Variants in SPAG1 observed in about 807,000 individuals in gnomAD.
SPAG1 encodes the protein sperm associated antigen 1.
In SPAG1, 69 loss-of-function variants were observed where a neutral mutation model predicts 100.5. The observed-to-expected ratio is 0.69, with a 90% CI of 0.57 to 0.84. The LOEUF is 0.84. SPAG1 is among the 40% of genes least tolerant of loss of function. SPAG1 has a pLI of 0.00. For missense variants in SPAG1, 955 were observed against 1,133.1 expected, an observed-to-expected ratio of 0.84 and a Z score of 2.26; for synonymous variants, 336 against 411.6, an observed-to-expected ratio of 0.82 and a Z score of 2.22.
At position 100,236,940 on chromosome 8, in the gene SPAG1, G is replaced by A. The variant is rs547278838; in HGVS notation, c.2116-2300G>A. Among the ~76,000 whole-genome samples the A allele has an allele frequency of 1.6e-4, 24 of 152,218 alleles. 2 individuals carry two copies. In the South Asian group the frequency reaches 4.1e-3, roughly 26 times the overall value. The stretch of plus-strand genomic sequence containing the variant: ...TCATAAAATAACTATTGCTTTTATG[G>A]TTTCAGCAAAACTATTAATGGTAAA... On this transcript the variant is annotated intron_variant, in intron 16 of 18. Coordinates refer to ENST00000388798, the MANE Select transcript of SPAG1 (RefSeq NM_003114.5).
At chr8:100,206,641 G>T (rs977734484) in intron 10 of SPAG1, among the ~76,000 whole-genome samples, 3 of 152,134 alleles carry the variant, frequency 2.0e-5, no homozygotes, top group Non-Finnish European at 2.9e-5. Flanking sequence ...TTCCTTCTAA[G>T]GTGAAGCAAG....
chr8:100,229,872 A>G (rs1295736865), intron 14 of SPAG1, among the ~76,000 whole-genome samples: 1 of 152,192 alleles, frequency 6.6e-6, no homozygotes, highest in African/African-American at 2.4e-5. Context: ...GGCTGCAGGG[A>G]TGGCTGGATT....
At chr8:100,185,054 G>C in intron 7 of SPAG1, 1 of 237,090 alleles carries the variant, frequency 4.2e-6, no homozygotes, top group Non-Finnish European at 8.1e-6. Flanking sequence ...AGACTGCCTG[G>C]ATTTACTTCT....
intron 10 of SPAG1, among the ~76,000 whole-genome samples, chr8:100,211,115 C>T (rs753234270): frequency 9.9e-5 from 15 of 152,024 alleles, no homozygotes; most frequent in Non-Finnish European, 1.5e-4. Context: ...CATGAGCCAC[C>T]GTGCCCGGCC....
intron 4 of SPAG1, 122 bp from the exon 5 acceptor site, chr8:100,183,253 G>GT: frequency 3.9e-6 from 2 of 515,782 alleles, no homozygotes; most frequent in South Asian, 2.4e-5. Context: ...GATTACAGGC[G>GT]TGAGTCCCCG....
chr8:100,161,305 G>A (rs1815295374), intron 1 of SPAG1, among the ~76,000 whole-genome samples: 1 of 152,128 alleles, frequency 6.6e-6, no homozygotes, highest in African/African-American at 2.4e-5. Flanking sequence ...TTGCACCACT[G>A]CATTTCAGCC....
intron 3 of SPAG1, among the ~76,000 whole-genome samples, chr8:100,176,960 C>T (rs1345430431): frequency 7.0e-6 from 1 of 141,870 alleles, no homozygotes; most frequent in African/African-American, 2.6e-5. Context: ...TTTTTCGTTT[C>T]TTTCTTTTTT....
At position 100,231,158 on chromosome 8, in the gene SPAG1, GA is replaced by G; in HGVS notation, c.1864del (p.Thr622HisfsTer13). On this transcript the variant is annotated frameshift_variant, in exon 15 of 19. Coordinates refer to ENST00000388798, the MANE Select transcript of SPAG1 (RefSeq NM_003114.5). LOFTEE classifies it high-confidence loss of function. ...TTCTTTGTTTTTTTGTCCCATAGATGAAAAAACATTTAAAGCCCTTAAGGAA... is the reference window on the plus strand; with the variant it reads ...TTCTTTGTTTTTTTGTCCCATAGATGAAAAACATTTAAAGCCCTTAAGGAA... ...SSHRQQGITD[E>X]KTFKALKEEG... is the part of the protein sequence containing the mutation. The G allele has an allele frequency of 6.3e-7, 1 of 1,598,082 alleles. No individual in the cohort carries two copies. The highest frequency in any genetic ancestry group is 8.5e-7 in the Non-Finnish European group (1 of 1,173,078).
chr8:100,183,893 A>G (rs1330962561), intron 5 of SPAG1, 63 bp from the exon 6 acceptor site: 22 of 759,564 alleles, frequency 2.9e-5, no homozygotes, highest in African/African-American at 1.3e-4. Flanking sequence ...AAGAATATCA[A>G]TGATAAATTT....
intron 15 of SPAG1, among the ~76,000 whole-genome samples, chr8:100,231,987 G>T (rs1613453): frequency 0.67 from 101,710 of 151,226 alleles, 34,836 homozygotes; most frequent in African/African-American, 0.81. Flanking sequence ...TACTGTCTTA[G>T]GGAGAATGCC....
In SPAG1 at chr8:100,213,391, C is replaced by G. The variant is rs546666643; in HGVS notation, c.1398C>G (p.Gly466=). 2.0e-5 allele frequency: 29 copies of G among 1,450,168 alleles called. No homozygotes were observed. In the South Asian group the frequency reaches 2.8e-4, roughly 14 times the overall value. The allele number at this position is 1,450,168 out of a possible 1,614,324, so 89.8% of individuals were successfully genotyped here. A position where few individuals can be genotyped will look rare whatever the true frequency, so the allele number is the denominator to read the frequency against. Residue 466 remains glycine, a synonymous_variant, in exon 11 of 19, where the codon GGC becomes GGG. Transcript: ENST00000388798. ...FRSGQFAEAA[G]KYSAAIALLE... is the part of the protein sequence containing the mutation. The stretch of plus-strand genomic sequence containing the variant: ...GCGGGCAGTTCGCCGAGGCGGCCGG[C>G]AAGTACTCGGCGGCAATCGCGCTCC...
Position 100,232,670 on chromosome 8 carries a change from T to G in SPAG1, c.1989-741T>G, listed in dbSNP as rs112137109. 5.1e-3 allele frequency among the ~76,000 whole-genome samples: 780 copies of G among 152,304 alleles called. 10 individuals carry two copies. The highest frequency in any genetic ancestry group is 0.018 in the African/African-American group (763 of 41,564). On this transcript the variant is annotated intron_variant, in intron 15 of 18. Transcript: ENST00000388798. ...GTCTGCAGCACCCTTATGGTGTCCT[T>G]GCACAGCTTTGTTCCATCATCTCAT...
intron 10 of SPAG1, 141 bp from the exon 11 acceptor site, chr8:100,212,949 G>C (rs1817779264): frequency 1.6e-6 from 1 of 618,404 alleles, no homozygotes; most frequent in Admixed American, 4.6e-5. Context: ...GGCAGCACAG[G>C]CTCCGCCCGC....
intron 10 of SPAG1, among the ~76,000 whole-genome samples, chr8:100,203,692 C>T (rs188822942): frequency 4.6e-5 from 7 of 152,246 alleles, no homozygotes; most frequent in African/African-American, 1.7e-4. Context: ...GTTGGTTGCT[C>T]CTAAGTTCAG....
rs1276251339 is a variant in SPAG1 at position 100,240,297 on chromosome 8, G to A, written c.2281-106G>A. Reference sequence around the variant, plus strand: ...AGTTTTCACTTGGAACTGGACTACAGTACAGTCTACTTGTAGTTTTCAATT... The same window carrying A: ...AGTTTTCACTTGGAACTGGACTACAATACAGTCTACTTGTAGTTTTCAATT... On this transcript the variant is annotated intron_variant, in intron 17 of 18. Coordinates refer to ENST00000388798, the MANE Select transcript of SPAG1 (RefSeq NM_003114.5). 11 of 1,104,654 alleles carry A rather than the reference G, an allele frequency of 1.0e-5. No homozygotes were observed. In the Admixed American group the frequency reaches 2.4e-4, roughly 24 times the overall value. The allele number at this position is 1,104,654 out of a possible 1,614,324, so 68.4% of individuals were successfully genotyped here.
At chr8:100,213,792 C>A in intron 11 of SPAG1, 27 bp from the exon 12 acceptor site, 1 of 1,357,144 alleles carries the variant, frequency 7.4e-7, no homozygotes, top group Non-Finnish European at 1.0e-6. Flanking sequence ...TGGATTTTAA[C>A]TGTATTTAAT....
intron 16 of SPAG1, among the ~76,000 whole-genome samples, chr8:100,238,444 T>C (rs896625721): frequency 6.6e-6 from 1 of 152,218 alleles, no homozygotes; most frequent in Non-Finnish European, 1.5e-5. Context: ...GTGTCATGAA[T>C]ACTTGAAGAG....
chr8:100,195,818 G>A (rs991418768), intron 10 of SPAG1, among the ~76,000 whole-genome samples: 6 of 151,876 alleles, frequency 4.0e-5, no homozygotes, highest in Admixed American at 6.6e-5. Flanking sequence ...ATACATGTAC[G>A]GTTTCATGTA....
chr8:100,228,585 C>A (rs899821231), intron 14 of SPAG1, among the ~76,000 whole-genome samples: 3 of 151,976 alleles, frequency 2.0e-5, no homozygotes, highest in South Asian at 2.1e-4. Context: ...TGGTAGCATG[C>A]CCCTGTAGTC....
Sources: gnomAD v4.1 joint callset for allele counts (sites outside exome capture counted in the v4.1 genomes callset) on GRCh38, gnomAD v4.1.1 for gene constraint, MANE v1.5 for transcripts, NCBI Gene and HGNC (gene_info 2026-07-23, HGNC 2026-07-21) for gene names.